KCNH1: variants seen among roughly 807,000 people sequenced by gnomAD.
The protein encoded by KCNH1 is potassium voltage-gated channel subfamily H member 1.
A neutral mutation model predicts 69.2 loss-of-function variants in KCNH1; 27 were observed. That is an observed-to-expected ratio of 0.39 (90% CI 0.29 to 0.54). The LOEUF is 0.54. Ranked by LOEUF, KCNH1 falls within the 20% of genes least tolerant of loss-of-function variation. The pLI is 0.68. For synonymous variants in KCNH1, 456 were observed against 487.7 expected, an observed-to-expected ratio of 0.93 and a Z score of 0.86; for missense variants, 798 against 1,261.6, an observed-to-expected ratio of 0.63 and a Z score of 5.57.
intron 7 of KCNH1, chr1:210,860,545 T>C: frequency 1.2e-6 from 1 of 858,134 alleles, no homozygotes; most frequent in Non-Finnish European, 2.0e-6. Context: ...TTGTGTCATT[T>C]CTACTGCAAT....
intron 6 of KCNH1, among the ~76,000 whole-genome samples, chr1:211,006,979 T>G (rs1423902805): frequency 6.6e-6 from 1 of 152,068 alleles, no homozygotes; most frequent in East Asian, 1.9e-4. Context: ...AGACAGACAA[T>G]ATATGCCAAA....
At chr1:210,806,601 T>C (rs1684554349) in intron 7 of KCNH1, among the ~76,000 whole-genome samples, 1 of 133,094 alleles carries the variant, frequency 7.5e-6, no homozygotes, top group African/African-American at 2.8e-5. Context: ...TTTGGTTTAT[T>C]TGATTCAGCG....
intron 10 of KCNH1, among the ~76,000 whole-genome samples, chr1:210,732,616 TA>T (rs897691645): frequency 3.5e-4 from 54 of 152,308 alleles, no homozygotes; most frequent in African/African-American, 1.3e-3. Flanking sequence ...TACAACAAGA[TA>T]GCTTAGACTG....
At chr1:210,690,155 A>G (rs1389691710) in intron 10 of KCNH1, among the ~76,000 whole-genome samples, 19 of 152,190 alleles carry the variant, frequency 1.2e-4, no homozygotes, top group Non-Finnish European at 1.5e-5. Context: ...CTAAGAGGAA[A>G]CGCGCAGGCC....
chr1:211,081,345 T>C (rs1690855263), intron 5 of KCNH1, among the ~76,000 whole-genome samples: 3 of 152,164 alleles, frequency 2.0e-5, no homozygotes, highest in African/African-American at 7.2e-5. Flanking sequence ...TGTGGAGAAA[T>C]AGGAACACTT....
chr1:210,978,891 C>G (rs1175261951), intron 6 of KCNH1, among the ~76,000 whole-genome samples: 1 of 152,216 alleles, frequency 6.6e-6, no homozygotes, highest in East Asian at 1.9e-4. Context: ...CCTAGACTTT[C>G]ACATGCTGTT....
At chr1:211,041,756 TTTG>T (rs1403089452) in intron 5 of KCNH1, among the ~76,000 whole-genome samples, 2 of 152,022 alleles carry the variant, frequency 1.3e-5, no homozygotes, top group African/African-American at 2.4e-5. Flanking sequence ...CGCTGGCTTT[TTTG>T]TTGTTGTTTT....
intron 5 of KCNH1, among the ~76,000 whole-genome samples, chr1:211,056,610 G>A (rs1690313802): frequency 6.6e-6 from 1 of 152,196 alleles, no homozygotes; most frequent in Non-Finnish European, 1.5e-5. Context: ...GCTGGCTTGG[G>A]GTCTAACCTA....
chr1:210,788,284 A>G (rs981953795), intron 9 of KCNH1, among the ~76,000 whole-genome samples: 1 of 152,208 alleles, frequency 6.6e-6, no homozygotes, highest in African/African-American at 2.4e-5. Context: ...TTACTCATAT[A>G]TGCATTTTGA....
intron 7 of KCNH1, among the ~76,000 whole-genome samples, chr1:210,881,623 G>A (rs945991727): frequency 3.3e-5 from 5 of 152,146 alleles, no homozygotes; most frequent in African/African-American, 1.2e-4. Flanking sequence ...GCCAAAACTT[G>A]GAAGCAACCA....
chr1:211,034,236 T>C (rs1441425063), intron 5 of KCNH1, among the ~76,000 whole-genome samples: 1 of 152,090 alleles, frequency 6.6e-6, no homozygotes, highest in African/African-American at 2.4e-5. Context: ...ATATATATCA[T>C]AGAGCTCTAC....
Position 210,919,616 on chromosome 1 carries a change from C to T in KCNH1, c.1462+24G>A, listed in dbSNP as rs374574215. 2.3e-4 allele frequency: 371 copies of T among 1,592,278 alleles called. No individual in the cohort carries two copies. The highest frequency in any genetic ancestry group is 2.9e-4 in the Non-Finnish European group (338 of 1,165,686). ...CAGCTAACAGAAGAGATGGCCAACC[C>T]CACCCCAGCACTGTCATACTTACAG... On this transcript the variant is annotated intron_variant, in intron 7 of 10. Coordinates refer to ENST00000271751, the MANE Select transcript of KCNH1 (RefSeq NM_172362.3). This position sits in a 1 kb window ranked among gnomAD's most constrained non-coding sequence, Gnocchi z 4.2.
chr1:211,010,719 G>T (rs1293478559), intron 6 of KCNH1, among the ~76,000 whole-genome samples: 1 of 152,148 alleles, frequency 6.6e-6, no homozygotes, highest in Non-Finnish European at 1.5e-5. Context: ...CACATTCTCT[G>T]CCAAGGTCTA....
intron 7 of KCNH1, among the ~76,000 whole-genome samples, chr1:210,876,328 A>G (rs1686372165): frequency 6.6e-6 from 1 of 152,192 alleles, no homozygotes; most frequent in Non-Finnish European, 1.5e-5. Context: ...AAATTTTACA[A>G]TACCAAACCT....
chr1:210,891,314 C>G (rs574066733), intron 7 of KCNH1, among the ~76,000 whole-genome samples: 1 of 152,186 alleles, frequency 6.6e-6, no homozygotes, highest in Non-Finnish European at 1.5e-5. Context: ...ACCACATGTT[C>G]TCACTCATAG....
At chr1:210,933,814 C>T (rs1687726566) in intron 6 of KCNH1, among the ~76,000 whole-genome samples, 1 of 152,108 alleles carries the variant, frequency 6.6e-6, no homozygotes, top group African/African-American at 2.4e-5. Flanking sequence ...ACCAAAACAG[C>T]ATAGTACTGG....
chr1:210,809,835 T>C (rs1046982522), intron 7 of KCNH1, among the ~76,000 whole-genome samples: 55 of 152,196 alleles, frequency 3.6e-4, no homozygotes, highest in African/African-American at 1.2e-3. Flanking sequence ...TTTAGTGAGA[T>C]AGGGGTTATA....
intron 1 of KCNH1, among the ~76,000 whole-genome samples, chr1:211,124,201 C>T (rs775782059): frequency 2.6e-5 from 4 of 152,166 alleles, no homozygotes; most frequent in Non-Finnish European, 4.4e-5. Context: ...AGTATTTTAT[C>T]GAGCTTGTAG....
intron 5 of KCNH1, among the ~76,000 whole-genome samples, chr1:211,030,220 T>C (rs1231407582): frequency 6.6e-6 from 1 of 152,134 alleles, no homozygotes; most frequent in Non-Finnish European, 1.5e-5. Flanking sequence ...ATAACAAAAA[T>C]AAAGTGGTTC....
Sources: gnomAD v4.1 joint callset for allele counts (sites outside exome capture counted in the v4.1 genomes callset) on GRCh38, gnomAD v4.1.1 for gene constraint, Gnocchi (gnomAD v3.1) non-coding constraint, MANE v1.5 for transcripts, NCBI Gene and HGNC (gene_info 2026-07-23, HGNC 2026-07-21) for gene names.